Variants in IMPA2 observed in about 807,000 individuals in gnomAD.
The protein encoded by IMPA2 is IMP 2.
Under a neutral mutation model 35.1 loss-of-function variants are expected in IMPA2, and 32 were observed. The ratio of observed to expected loss-of-function variants is 0.91; its 90% confidence interval spans 0.69 to 1.23. The LOEUF (loss-of-function observed/expected upper bound fraction) is 1.23. Among genes scored for constraint, IMPA2 ranks in the 50% most tolerant of loss-of-function variants. The probability of loss-of-function intolerance (pLI) is 0.00; values close to 1 mark genes in which losing one functional copy is unlikely to be tolerated. For synonymous variants in IMPA2, 135 were observed against 160.6 expected (o/e 0.84, Z 1.20); for missense variants, 334 against 387.6 (o/e 0.86, Z 1.16).
intron 1 of IMPA2, among the ~76,000 whole-genome samples, chr18:11,988,001 CTTTTTTTT>C (rs71172043): frequency 0.02 from 1,990 of 101,928 alleles, 23 homozygotes; most frequent in Middle Eastern, 0.048. Flanking sequence ...TGTTTATTGG[CTTTTTTTT>C]TTTTTTTTTT....
At chr18:11,995,768 C>G (rs558354099) in intron 1 of IMPA2, among the ~76,000 whole-genome samples, 1 of 152,292 alleles carries the variant, frequency 6.6e-6, no homozygotes, top group African/African-American at 2.4e-5. Context: ...GAAAAACAGC[C>G]AGACAGAAGG....
At chr18:12,012,552 C>T (rs1369030044) in intron 4 of IMPA2, among the ~76,000 whole-genome samples, 1 of 152,196 alleles carries the variant, frequency 6.6e-6, no homozygotes, top group Admixed American at 6.5e-5. Context: ...TGTGATCTCA[C>T]AAACTAAAAG....
chr18:12,019,293 T>A (rs557736078), intron 5 of IMPA2, among the ~76,000 whole-genome samples: 9 of 152,222 alleles, frequency 5.9e-5, no homozygotes, highest in Admixed American at 5.9e-4. Flanking sequence ...CTCACTCTGT[T>A]GCCCAGGCTG....
At position 11,999,083 on chromosome 18, in the gene IMPA2, AC is replaced by A; in HGVS notation, c.127del (p.Arg43ValfsTer12). 6.2e-7 allele frequency: 1 copy of A among 1,613,662 alleles called. No homozygotes were observed. The highest frequency in any genetic ancestry group is 8.5e-7 in the Non-Finnish European group (1 of 1,179,724). On this transcript the variant is annotated frameshift_variant, in exon 2 of 8. Transcript: ENST00000269159. LOFTEE classifies it high-confidence loss of function. Reference sequence around the variant, plus strand: ...TCAGAAAAGCCCTTACTGAGGAAAAACGTGTCTCAACAAAAACATCAGCTGC... The same window carrying A: ...TCAGAAAAGCCCTTACTGAGGAAAAAGTGTCTCAACAAAAACATCAGCTGC... Reference protein sequence around the residue: ...IIRKALTEEKRVSTKTSAADL... With the variant: ...IIRKALTEEKXVSTKTSAADL...
At chr18:11,995,509 G>T (rs551564285) in intron 1 of IMPA2, among the ~76,000 whole-genome samples, 1 of 152,336 alleles carries the variant, frequency 6.6e-6, no homozygotes, top group Non-Finnish European at 1.5e-5. Flanking sequence ...GGGGTCAAAT[G>T]GTCTCTGCTA....
chr18:12,019,074 C>T (rs1195783751), intron 5 of IMPA2, among the ~76,000 whole-genome samples: 2 of 152,186 alleles, frequency 1.3e-5, no homozygotes, highest in Non-Finnish European at 2.9e-5. Context: ...CATCCTCCCA[C>T]CTCAGCGTCT....
At position 12,014,374 on chromosome 18, in the gene IMPA2, G is replaced by A. The variant is rs749587605; in HGVS notation, c.490+1G>A. The A allele has an allele frequency of 6.4e-7, 1 of 1,567,720 alleles. No individual in the cohort carries two copies. The highest frequency in any genetic ancestry group is 1.9e-5 in the Admixed American group (1 of 53,024). On this transcript the variant is annotated splice_donor_variant, in intron 5 of 7. Transcript: ENST00000269159. LOFTEE classifies it high-confidence loss of function. ...CGGCTCCGGGTCTCCGGGGAGACAGGTGGGCTTCACAACGCTCGTCTCAGT... is the reference window on the plus strand; with the variant it reads ...CGGCTCCGGGTCTCCGGGGAGACAGATGGGCTTCACAACGCTCGTCTCAGT...
chr18:12,013,206 T>C (rs1907481295), intron 4 of IMPA2, among the ~76,000 whole-genome samples: 1 of 152,188 alleles, frequency 6.6e-6, no homozygotes, highest in African/African-American at 2.4e-5. Flanking sequence ...CGGGAGCTCC[T>C]GGCTTTTCGT....
chr18:12,028,987 A>C lies in IMPA2; in HGVS notation c.745A>C (p.Thr249Pro). ...AGAAGCAGGCGGCATCGTGATAGAC[A>C]CTTCGGGTGAGCTCTCCTGTCCCTG... Reference protein sequence around the residue: ...IREAGGIVIDTSGGPLDLMAC... With the variant: ...IREAGGIVIDPSGGPLDLMAC... Residue 249 changes from threonine (T) to proline (P), a missense_variant, in exon 7 of 8, where the codon ACT becomes CCT. Physicochemically the swap from Thr to Pro is conservative, Grantham distance 38. Coordinates refer to ENST00000269159, the MANE Select transcript of IMPA2 (RefSeq NM_014214.3). The C allele has an allele frequency of 6.2e-7, 1 of 1,612,876 alleles. No individual in the cohort carries two copies. Among genetic ancestry groups the C allele is most frequent in the Non-Finnish European group, 8.5e-7 (1 of 1,179,864 alleles).
chr18:12,017,400 ACT>A (rs767565347), intron 5 of IMPA2, among the ~76,000 whole-genome samples: 51 of 151,684 alleles, frequency 3.4e-4, no homozygotes, highest in African/African-American at 1.2e-3. Flanking sequence ...CATCAATATC[ACT>A]CTCTACCCAA....
In IMPA2 at chr18:11,981,634, G is replaced by C. The variant is rs928819471; in HGVS notation, c.-36G>C. ...CCGGTGGGAGCCGGAGTCCCGCCGAGGGGGGCTGGAGGTGGAGGGGCCCGG... is the reference window on the plus strand; with the variant it reads ...CCGGTGGGAGCCGGAGTCCCGCCGACGGGGGCTGGAGGTGGAGGGGCCCGG... On this transcript the variant is annotated 5_prime_UTR_variant, in exon 1 of 8. Transcript: ENST00000269159. 10 of 1,215,402 alleles carry C rather than the reference G, an allele frequency of 8.2e-6. No individual in the cohort carries two copies. In the African/African-American group the frequency reaches 1.3e-4, roughly 15 times the overall value. The allele number at this position is 1,215,402 out of a possible 1,614,324, so 75.3% of individuals were successfully genotyped here.
At chr18:12,001,279 A>G (rs978996350) in intron 2 of IMPA2, among the ~76,000 whole-genome samples, 1 of 152,130 alleles carries the variant, frequency 6.6e-6, no homozygotes, top group Non-Finnish European at 1.5e-5. Context: ...TAGCAAAAGA[A>G]TTTATCATAT....
chr18:12,011,760 G>T (rs1184188534), intron 3 of IMPA2, among the ~76,000 whole-genome samples: 1 of 152,204 alleles, frequency 6.6e-6, no homozygotes, highest in East Asian at 1.9e-4. Context: ...CTCAGAACTG[G>T]CCCCCATGGG....
At chr18:12,000,342 T>C (rs1384363760) in intron 2 of IMPA2, among the ~76,000 whole-genome samples, 1 of 150,630 alleles carries the variant, frequency 6.6e-6, no homozygotes, top group African/African-American at 2.4e-5. Flanking sequence ...CTCTTTTTTT[T>C]TTTTTTTTTT....
At chr18:12,003,602 G>C (rs1026693785) in intron 2 of IMPA2, among the ~76,000 whole-genome samples, 1 of 146,014 alleles carries the variant, frequency 6.8e-6, no homozygotes, top group Non-Finnish European at 1.5e-5. Flanking sequence ...AGTGAGCTGA[G>C]ATTGCACCAT....
chr18:12,026,291 C>T (rs1171520810), intron 5 of IMPA2, among the ~76,000 whole-genome samples: 4 of 152,126 alleles, frequency 2.6e-5, no homozygotes, highest in Non-Finnish European at 5.9e-5. Context: ...CCTCAGCCTC[C>T]CAAAATGTTG....
chr18:12,015,976 AC>A (rs1323458186), intron 5 of IMPA2, among the ~76,000 whole-genome samples: 1 of 152,190 alleles, frequency 6.6e-6, no homozygotes, highest in African/African-American at 2.4e-5. Flanking sequence ...TAGCTCAAGC[AC>A]CAACTCCACT....
At chr18:11,987,302 A>T (rs962512631) in intron 1 of IMPA2, among the ~76,000 whole-genome samples, 6 of 152,180 alleles carry the variant, frequency 3.9e-5, no homozygotes, top group Admixed American at 2.6e-4. Context: ...ATGTGAGTAC[A>T]TCACTATTCA....
intron 5 of IMPA2, among the ~76,000 whole-genome samples, chr18:12,022,089 A>G (rs184709873): frequency 0.019 from 2,919 of 151,786 alleles, 50 homozygotes; most frequent in Non-Finnish European, 0.03. Context: ...ATACCATTCA[A>G]TGACATTAAT....
Sources: allele counts gnomAD v4.1 joint callset (sites outside exome capture counted in the v4.1 genomes callset), GRCh38; gene constraint gnomAD v4.1.1; transcripts MANE v1.5; gene names NCBI Gene and HGNC (gene_info 2026-07-23, HGNC 2026-07-21).